Variants in MS4A13 observed in about 807,000 individuals in gnomAD.
MS4A13 encodes membrane-spanning 4-domains subfamily A member 13.
Under a neutral mutation model 18.4 loss-of-function variants are expected in MS4A13, and 21 were observed. That is an observed-to-expected ratio of 1.14 (90% CI 0.81 to 1.64). The LOEUF (loss-of-function observed/expected upper bound fraction) is 1.64, where lower values mean the gene tolerates loss of function less well. Ranked by LOEUF, MS4A13 falls within the 40% of genes most tolerant of loss-of-function variation. MS4A13 has a pLI of 0.00. For synonymous variants in MS4A13, 62 were observed against 57.2 expected, an observed-to-expected ratio of 1.08 and a Z score of -0.38; for missense variants, 173 against 176.8, an observed-to-expected ratio of 0.98 and a Z score of 0.12.
intron 6 of MS4A13, among the ~76,000 whole-genome samples, chr11:60,538,000 G>A (rs1263619331): frequency 2.3e-5 from 3 of 131,094 alleles, no homozygotes; most frequent in Non-Finnish European, 4.8e-5. Flanking sequence ...ACACAGGAAG[G>A]GGAATATCAC....
At position 60,523,958 on chromosome 11, in the gene MS4A13, G is replaced by T. The variant is rs757577776; in HGVS notation, c.186+5G>T. On this transcript the variant is annotated splice_donor_5th_base_variant and intron_variant, in intron 4 of 6. Coordinates refer to ENST00000378186, the MANE Select transcript of MS4A13 (RefSeq NM_001012417.3). ...AAGTATCCGACTCGATCTGGAGTAAGTTGAAATGTTTGAGGTATCTCTAGA... is the reference window on the plus strand; with the variant it reads ...AAGTATCCGACTCGATCTGGAGTAATTTGAAATGTTTGAGGTATCTCTAGA... 5.3e-6 allele frequency: 8 copies of T among 1,515,440 alleles called. No homozygotes were observed. The highest frequency in any genetic ancestry group is 7.3e-6 in the Non-Finnish European group (8 of 1,091,788). The allele number at this position is 1,515,440 out of a possible 1,614,324, so 93.9% of individuals were successfully genotyped here.
At chr11:60,527,402 CTCTCTCTCTGTG>C (rs1487988204) in intron 5 of MS4A13, among the ~76,000 whole-genome samples, 1 of 81,576 alleles carries the variant, frequency 1.2e-5, no homozygotes, top group African/African-American at 5.7e-5. Context: ...CTCTCTCTCT[CTCTCTCTCTGTG>C]TGTGTGTGTG....
intron 6 of MS4A13, among the ~76,000 whole-genome samples, chr11:60,532,222 G>A (rs1048219594): frequency 3.3e-5 from 5 of 152,198 alleles, no homozygotes; most frequent in East Asian, 3.9e-4. Flanking sequence ...CATGAGCGAC[G>A]CAGAAGACGG....
intron 4 of MS4A13, 49 bp from the exon 5 acceptor site, chr11:60,525,158 A>G: frequency 7.0e-7 from 1 of 1,430,152 alleles, no homozygotes; most frequent in Non-Finnish European, 9.7e-7. Flanking sequence ...CTATTACACC[A>G]AAATGTTTAT....
chr11:60,538,616 AT>A (rs941006957), intron 6 of MS4A13, among the ~76,000 whole-genome samples: 1 of 151,792 alleles, frequency 6.6e-6, no homozygotes, highest in Non-Finnish European at 1.5e-5. Context: ...CAGTACAGAA[AT>A]TTTTTTCCCT....
At chr11:60,523,318 G>A (rs945324308) in intron 3 of MS4A13, among the ~76,000 whole-genome samples, 1 of 152,128 alleles carries the variant, frequency 6.6e-6, no homozygotes, top group African/African-American at 2.4e-5. Context: ...ATATGGCATA[G>A]TTTTATACTT....
intron 5 of MS4A13, among the ~76,000 whole-genome samples, chr11:60,528,504 G>T (rs1357175578): frequency 1.3e-5 from 2 of 152,090 alleles, no homozygotes; most frequent in Admixed American, 6.5e-5. Flanking sequence ...TAAACTCTAA[G>T]AAATCAGGAA....
chr11:60,529,754 C>T (rs1412494449), intron 6 of MS4A13, among the ~76,000 whole-genome samples: 1 of 152,178 alleles, frequency 6.6e-6, no homozygotes, highest in Non-Finnish European at 1.5e-5. Flanking sequence ...CGAATACACA[C>T]ACATTCTCTT....
At chr11:60,521,207 C>T (rs2086671887) in intron 3 of MS4A13, among the ~76,000 whole-genome samples, 1 of 152,228 alleles carries the variant, frequency 6.6e-6, no homozygotes, top group South Asian at 2.1e-4. Context: ...ATGGGAGGGG[C>T]TGCCATGAAG....
intron 3 of MS4A13, among the ~76,000 whole-genome samples, chr11:60,519,802 A>G (rs1445339212): frequency 6.6e-6 from 1 of 152,204 alleles, no homozygotes; most frequent in African/African-American, 2.4e-5. Flanking sequence ...AATTTAAGTT[A>G]GTGATGGAAA....
At chr11:60,523,738 C>T (rs1565211450) in intron 3 of MS4A13, among the ~76,000 whole-genome samples, 159 bp from the exon 4 acceptor site, 1 of 152,190 alleles carries the variant, frequency 6.6e-6, no homozygotes, top group Non-Finnish European at 1.5e-5. Flanking sequence ...TGTATTACTA[C>T]ATGATGTAAA....
At chr11:60,527,408 C>CTGTGTGTGTGTGTGTGTGTG (rs1275890708) in intron 5 of MS4A13, among the ~76,000 whole-genome samples, 2 of 35,552 alleles carry the variant, frequency 5.6e-5, no homozygotes, top group Non-Finnish European at 1.0e-4. Flanking sequence ...CTCTCTCTCT[C>CTGTGTGTGTGTGTGTGTGTG]TCTGTGTGTG....
chr11:60,527,365 T>C (rs1204387858), intron 5 of MS4A13, among the ~76,000 whole-genome samples: 5 of 41,576 alleles, frequency 1.2e-4, no homozygotes, highest in African/African-American at 5.1e-4. Context: ...TCATTCCGTC[T>C]CTCTCTCTCT....
chr11:60,518,147 A>G lies in MS4A13; in HGVS notation c.64A>G (p.Lys22Glu). The change falls in exon 3 of 7, where the codon AAA becomes GAA. Residue 22 changes from lysine to glutamate, a missense_variant. Coordinates refer to ENST00000378186, the MANE Select transcript of MS4A13 (RefSeq NM_001012417.3). ...FLLVLYMGQIKGAFGTYEPVT... is the reference protein window; with the variant it reads ...FLLVLYMGQIEGAFGTYEPVT... ...ATTGGTTTTGTATATGGGACAAATT[A>G]AAGGAGCCTTTGGAACGTATGAACC... 2 of 1,611,982 alleles carry G rather than the reference A, an allele frequency of 1.2e-6. No individual in the cohort carries two copies. The highest frequency in any genetic ancestry group is 1.7e-6 in the Non-Finnish European group (2 of 1,178,522).
chr11:60,538,641 G>A (rs1484801913), intron 6 of MS4A13, among the ~76,000 whole-genome samples: 1 of 151,362 alleles, frequency 6.6e-6, no homozygotes. Context: ...TTATTTGAAG[G>A]TAAGTTGCCA....
intron 6 of MS4A13, among the ~76,000 whole-genome samples, chr11:60,532,644 G>A (rs1456464378): frequency 6.6e-6 from 1 of 151,746 alleles, no homozygotes; most frequent in East Asian, 1.9e-4. Context: ...AAGCAGCCTG[G>A]AAGCTCGAAC....
Position 60,518,080 on chromosome 11 carries a change from G to T in MS4A13, c.-4G>T. Reference sequence around the variant, plus strand: ...TAATTCTCTTCTCACAGACTATCCAGATTATGATTGGCATCTTTCACATTT... The same window carrying T: ...TAATTCTCTTCTCACAGACTATCCATATTATGATTGGCATCTTTCACATTT... On this transcript the variant is annotated 5_prime_UTR_variant, in exon 3 of 7. Coordinates refer to ENST00000378186, the MANE Select transcript of MS4A13 (RefSeq NM_001012417.3). 1 of 1,592,802 alleles carries T rather than the reference G, an allele frequency of 6.3e-7. No individual in the cohort carries two copies. Among genetic ancestry groups the T allele is most frequent in the South Asian group, 1.1e-5 (1 of 88,700 alleles).
rs1590884695 is a variant in MS4A13 at position 60,542,542 on chromosome 11, ATC to A, written c.428_429del (p.Ser143CysfsTer3). On this transcript the variant is annotated frameshift_variant, in exon 7 of 7. Coordinates refer to ENST00000378186, the MANE Select transcript of MS4A13 (RefSeq NM_001012417.3). LOFTEE classifies it low-confidence loss of function (END_TRUNC). Reference sequence around the variant, plus strand: ...AGTTTCGAAGACAAAATGATCTTACATCTGTTACTGAGGAAGCTGAGAGCACT... The same window carrying A: ...AGTTTCGAAGACAAAATGATCTTACATGTTACTGAGGAAGCTGAGAGCACT... Reference protein sequence around the residue: ...NLFRRQNDLTSVTEEAESTP With the variant: ...NLFRRQNDLTXVTEEAESTP 1.2e-6 allele frequency: 2 copies of A among 1,610,926 alleles called. No homozygotes were observed. The highest frequency in any genetic ancestry group is 2.2e-5 in the East Asian group (1 of 44,762).
intron 3 of MS4A13, among the ~76,000 whole-genome samples, chr11:60,521,756 C>G (rs193045051): frequency 9.9e-4 from 151 of 152,338 alleles, no homozygotes; most frequent in African/African-American, 3.5e-3. Context: ...TACCCAGTTC[C>G]AAAGTCACTT....
Sources: allele counts gnomAD v4.1 joint callset (sites outside exome capture counted in the v4.1 genomes callset), GRCh38; gene constraint gnomAD v4.1.1; transcripts MANE v1.5; gene names NCBI Gene and HGNC (gene_info 2026-07-23, HGNC 2026-07-21).